The following VPS52 variants were observed in gnomAD, a reference collection of about 807,000 sequenced individuals.
The protein encoded by VPS52 is vacuolar protein sorting-associated protein 52 homolog.
A neutral mutation model predicts 98.7 loss-of-function variants in VPS52; 56 were observed. The observed-to-expected ratio is 0.57, with a 90% CI of 0.46 to 0.71. VPS52 has a LOEUF of 0.71. Among genes scored for constraint, VPS52 ranks in the 30% least tolerant of loss-of-function variants. VPS52 has a pLI of 0.00. For synonymous variants in VPS52, 348 were observed against 346.4 expected (o/e 1.00, Z -0.05); for missense variants, 742 against 925.9 (o/e 0.80, Z 2.58).
In VPS52 at chr6:33,270,429, CG is replaced by C. The variant is rs140269982; in HGVS notation, c.91-147del. On this transcript the variant is annotated intron_variant, in intron 1 of 19. Coordinates refer to ENST00000445902, the MANE Select transcript of VPS52 (RefSeq NM_022553.6). The stretch of plus-strand genomic sequence containing the variant: ...GCTTTGAAAAATTCTAAGAGTCTCA[CG>C]TTGTACCCACTCTCCTATTTTGTGC... 9,992 of 712,440 alleles carry C rather than the reference CG, an allele frequency of 0.014. 745 individuals are homozygous for C. In the African/African-American group the frequency reaches 0.16, roughly 11 times the overall value. 44.1% of individuals were successfully genotyped at this position (712,440 alleles called of 1,614,324 possible).
intron 17 of VPS52, among the ~76,000 whole-genome samples, chr6:33,252,927 T>A (rs1027485768): frequency 6.6e-6 from 1 of 151,662 alleles, no homozygotes; most frequent in Non-Finnish European, 1.5e-5. Context: ...CTCTCAAATA[T>A]CCCTGTAGAA....
chr6:33,267,328 T>C lies in VPS52; in HGVS notation c.992-7A>G, dbSNP rs750458902. 6.8e-5 allele frequency: 107 copies of C among 1,568,884 alleles called. No individual in the cohort carries two copies. Among genetic ancestry groups the C allele is most frequent in the Middle Eastern group, 1.7e-4 (1 of 5,842 alleles). On this transcript the variant is annotated splice_polypyrimidine_tract_variant and splice_region_variant and intron_variant, in intron 10 of 19. Transcript: ENST00000445902. This position sits in a 1 kb window ranked among gnomAD's most constrained non-coding sequence, Gnocchi z 4.2. The stretch of plus-strand genomic sequence containing the variant: ...GATGGCTTTGAGAAGAATCGTAAGA[T>C]GGGTCAGAGTCAGGGAAAACAATGA...
At position 33,264,949 on chromosome 6, in the gene VPS52, T is replaced by C. The variant is rs571892897; in HGVS notation, c.1282-49A>G. The stretch of plus-strand genomic sequence containing the variant: ...AGGATTAAAAGAGAATGTCAGTTTG[T>C]TGTCCTCAGTGACTATGAACAAACG... On this transcript the variant is annotated intron_variant, in intron 12 of 19. Coordinates refer to ENST00000445902, the MANE Select transcript of VPS52 (RefSeq NM_022553.6). 6 of 1,493,274 alleles carry C rather than the reference T, an allele frequency of 4.0e-6. No individual in the cohort carries two copies. The East Asian group carries it at 1.1e-4, about 28-fold the overall frequency. The allele number at this position is 1,493,274 out of a possible 1,614,324, so 92.5% of individuals were successfully genotyped here.
At chr6:33,258,957 C>T (rs1205793088) in intron 17 of VPS52, among the ~76,000 whole-genome samples, 2 of 152,138 alleles carry the variant, frequency 1.3e-5, no homozygotes, top group Non-Finnish European at 2.9e-5. Flanking sequence ...TCACACAGAG[C>T]ACCAGCTTCA....
intron 1 of VPS52, 76 bp downstream of exon 1, chr6:33,271,510 T>C (rs1330705823): frequency 6.5e-7 from 1 of 1,548,010 alleles, no homozygotes; most frequent in South Asian, 1.2e-5. Flanking sequence ...CCCACCCTTG[T>C]GCCTAAACCC....
chr6:33,268,994 C>A lies in VPS52; in HGVS notation c.548+20G>T. ...ATCCACCTGCTATGGACATTATAAC[C>A]CTTCAAACTGGTAACTCACGTGACC... is the stretch of plus-strand genomic sequence containing the variant. On this transcript the variant is annotated intron_variant, in intron 6 of 19. Transcript: ENST00000445902. This position sits in a 1 kb window ranked among gnomAD's most constrained non-coding sequence, Gnocchi z 4.0. The A allele has an allele frequency of 6.2e-7, 1 of 1,611,102 alleles. No homozygotes were observed.
intron 1 of VPS52, 137 bp downstream of exon 1, chr6:33,271,449 G>C: frequency 7.7e-7 from 1 of 1,295,958 alleles, no homozygotes; most frequent in Non-Finnish European, 1.1e-6. Context: ...TCTGATCACA[G>C]GGAAGGGTAC....
chr6:33,265,515 T>C (rs1165651630), intron 12 of VPS52, among the ~76,000 whole-genome samples: 35 of 152,178 alleles, frequency 2.3e-4, no homozygotes, highest in Admixed American at 2.3e-3. Flanking sequence ...CATGGGTGTG[T>C]ACCACCATGC....
intron 17 of VPS52, 84 bp downstream of exon 17, chr6:33,263,400 C>CAT (rs1763879929): frequency 7.7e-7 from 1 of 1,302,252 alleles, no homozygotes. Flanking sequence ...CACACACACA[C>CAT]ACACACACAC....
chr6:33,250,916 G>T lies in VPS52; in HGVS notation c.2097C>A (p.Ala699=). The T allele has an allele frequency of 6.2e-7, 1 of 1,613,092 alleles. No homozygotes were observed. The highest frequency in any genetic ancestry group is 1.1e-5 in the South Asian group (1 of 91,088). The change falls in exon 20 of 20, where the codon GCC becomes GCA. Residue 699 remains alanine, a synonymous_variant. Coordinates refer to ENST00000445902, the MANE Select transcript of VPS52 (RefSeq NM_022553.6). ...HRVLSQPQLR[A]LPARAELINI... ...TGATGAGCTCAGCCCGGGCAGGGAG[G>T]GCTCGGAGCTGCGGCTGGGACAGCA...
chr6:33,271,809 T>C lies in VPS52; in HGVS notation c.-134A>G. The stretch of plus-strand genomic sequence containing the variant: ...TTGAGTTAAGTTGTTTGACTCCAGC[T>C]GTCCCCTTTCAGCTCTAACCACTTC... On this transcript the variant is annotated 5_prime_UTR_variant, in exon 1 of 20. Transcript: ENST00000445902. 1.4e-6 allele frequency: 2 copies of C among 1,452,946 alleles called. No individual in the cohort carries two copies. Among genetic ancestry groups the C allele is most frequent in the Non-Finnish European group, 1.8e-6 (2 of 1,102,826 alleles). 90.0% of individuals were successfully genotyped at this position (1,452,946 alleles called of 1,614,324 possible).
Position 33,270,043 on chromosome 6 carries a change from G to A in VPS52, c.184C>T (p.Gln62Ter). ...FILDEVDVHI[Q>*]ANLEDELVKE... ...ACTAACTCATCCTCCAGATTTGCCT[G>A]AATGTGAACTGGAAATAGAAGTTTA... Residue 62 changes from glutamine to a stop codon, truncating the protein, a stop_gained, in exon 3 of 20, where the codon CAG becomes TAG. Transcript: ENST00000445902. LOFTEE classifies it high-confidence loss of function. The A allele has an allele frequency of 6.2e-7, 1 of 1,614,174 alleles. No homozygotes were observed. Among genetic ancestry groups the A allele is most frequent in the Non-Finnish European group, 8.5e-7 (1 of 1,180,030 alleles).
intron 1 of VPS52, chr6:33,271,079 T>C (rs1764995353): frequency 1.0e-5 from 3 of 286,562 alleles, no homozygotes; most frequent in Middle Eastern, 1.1e-3. Context: ...TTGGGTGTTC[T>C]ATCACACCTC....
intron 17 of VPS52, among the ~76,000 whole-genome samples, chr6:33,259,487 G>A (rs1763386637): frequency 6.6e-6 from 1 of 152,106 alleles, no homozygotes. Flanking sequence ...TTGAAATGAT[G>A]CTCAATGTTA....
chr6:33,265,523 T>C (rs1209882877), intron 12 of VPS52, among the ~76,000 whole-genome samples: 1 of 152,182 alleles, frequency 6.6e-6, no homozygotes, highest in Non-Finnish European at 1.5e-5. Flanking sequence ...TGTACCACCA[T>C]GCCTGGTTAA....
chr6:33,260,879 C>T (rs1275018048), intron 17 of VPS52, among the ~76,000 whole-genome samples: 2 of 151,932 alleles, frequency 1.3e-5, no homozygotes, highest in Admixed American at 6.6e-5. Flanking sequence ...CACGTGCCTG[C>T]AGTCCCAGCT....
rs2150869027 is a variant in VPS52, at chr6:33,271,660, T to C, written c.16A>G (p.Thr6Ala). 1 of 1,609,636 alleles carries C rather than the reference T, an allele frequency of 6.2e-7. No homozygotes were observed. The highest frequency in any genetic ancestry group is 1.1e-5 in the South Asian group (1 of 90,572). Reference sequence around the variant, plus strand: ...AGTTCCCGGGCCGCAGCCGCCATGGTCGCAGCGGCGGCCATTCCCCGCAGC... The same window carrying C: ...AGTTCCCGGGCCGCAGCCGCCATGGCCGCAGCGGCGGCCATTCCCCGCAGC... The part of the protein sequence containing the change: MAAAA[T>A]MAAAARELVL... Residue 6 changes from threonine to alanine, a missense_variant, in exon 1 of 20, where the codon ACC becomes GCC. Physicochemically the swap from Thr to Ala is moderately conservative, Grantham distance 58. Transcript: ENST00000445902.
At position 33,264,016 on chromosome 6, in the gene VPS52, G is replaced by C. The variant is rs1436358535; in HGVS notation, c.1612C>G (p.Gln538Glu). The C allele has an allele frequency of 6.2e-7, 1 of 1,614,104 alleles. No individual in the cohort carries two copies. Among genetic ancestry groups the C allele is most frequent in the Non-Finnish European group, 8.5e-7 (1 of 1,180,046 alleles). ...PNERTMQLLGQLQVEVENFVL... is the reference protein window; with the variant it reads ...PNERTMQLLGELQVEVENFVL... The stretch of plus-strand genomic sequence containing the variant: ...TCCTGTCCGACCCTCACCTGCAGCT[G>C]TCCCAGCAATTGCATGGTCCGTTCA... The change falls in exon 15 of 20, where the codon CAG (glutamine) becomes GAG (glutamate). Residue 538 changes from glutamine to glutamate, a missense_variant. Around this residue, in one of 2 missense-constraint regions of VPS52, gnomAD observed 590 missense variants for 793.3 expected, o/e 0.74. Transcript: ENST00000445902.
intron 16 of VPS52, 43 bp from the exon 17 acceptor site, chr6:33,263,592 T>G: frequency 6.2e-7 from 1 of 1,612,348 alleles, no homozygotes; most frequent in Non-Finnish European, 8.5e-7. Context: ...GGGAAAGCAG[T>G]CCTTCACTTC....
Sources: gnomAD v4.1 joint callset for allele counts (sites outside exome capture counted in the v4.1 genomes callset) on GRCh38, gnomAD v4.1.1 for gene constraint, gnomAD v4.1.1 regional missense constraint, Gnocchi (gnomAD v3.1) non-coding constraint, MANE v1.5 for transcripts, NCBI Gene and HGNC (gene_info 2026-07-23, HGNC 2026-07-21) for gene names.